Variants in COL13A1 observed in about 807,000 individuals in gnomAD.
The protein encoded by COL13A1 is collagen type XIII alpha 1 chain, also known as collagen alpha-1(XIII) chain.
A neutral mutation model predicts 130.9 loss-of-function variants in COL13A1; 89 were observed. The observed-to-expected ratio is 0.68, with a 90% CI of 0.57 to 0.81. The LOEUF (loss-of-function observed/expected upper bound fraction) is 0.81. COL13A1 is among the 30% of genes least tolerant of loss of function. COL13A1 has a pLI of 0.00. For synonymous variants in COL13A1, 402 were observed against 341.6 expected (o/e 1.18, Z -1.95); for missense variants, 879 against 934.6 (o/e 0.94, Z 0.78).
Position 69,932,597 on chromosome 10 carries a change from G to T in COL13A1, c.1721G>T (p.Gly574Val). Residue 574 changes from glycine to valine, a missense_variant, in exon 31 of 41, where the codon GGA becomes GTA. Physicochemically the swap from Gly to Val is moderately radical, Grantham distance 109 (BLOSUM62 -3). This residue lies in a region of COL13A1 where 96 missense variants were observed against 147.7 expected (regional missense o/e 0.65). Coordinates refer to ENST00000645393, the MANE Select transcript of COL13A1 (RefSeq NM_001368882.1). ...GAAGCCGGGGAGAAGGGCAATCCAG[G>T]AGCAGAGGTACATGAGAGATAATTT... ...KGEAGEKGNP[G>V]AEVPGLPGPE... is the part of the protein sequence containing the mutation. The T allele has an allele frequency of 6.2e-7, 1 of 1,606,314 alleles. No individual in the cohort carries two copies. The highest frequency in any genetic ancestry group is 1.1e-5 in the South Asian group (1 of 90,758).
At chr10:69,818,566 C>T (rs1435299518) in intron 1 of COL13A1, among the ~76,000 whole-genome samples, 2 of 152,222 alleles carry the variant, frequency 1.3e-5, no homozygotes, top group East Asian at 3.8e-4. Context: ...GTCCCTTAAT[C>T]TGCCATCTGC....
chr10:69,880,499 G>T lies in COL13A1; in HGVS notation c.463-4G>T, dbSNP rs2395272. 6.2e-7 allele frequency: 1 copy of T among 1,603,418 alleles called. No homozygotes were observed. The highest frequency in any genetic ancestry group is 1.3e-5 in the African/African-American group (1 of 74,554). On this transcript the variant is annotated splice_region_variant and splice_polypyrimidine_tract_variant and intron_variant, in intron 6 of 40. Transcript: ENST00000645393. The stretch of plus-strand genomic sequence containing the variant: ...TCCCTCTCCCCCTTCCTCTCTCCCC[G>T]CAGGGGTCCCCCGGAGACGCTGGGC...
intron 12 of COL13A1, 139 bp from the exon 13 acceptor site, chr10:69,895,411 G>A (rs2061538835): frequency 7.9e-6 from 7 of 880,596 alleles, no homozygotes; most frequent in Admixed American, 5.7e-5. Flanking sequence ...CTGCCTCAGA[G>A]GGCTCAGACC....
At chr10:69,924,106 G>A (rs945358374) in intron 24 of COL13A1, among the ~76,000 whole-genome samples, 6 of 152,290 alleles carry the variant, frequency 3.9e-5, no homozygotes, top group Non-Finnish European at 5.9e-5. Flanking sequence ...ATTGGTAAAC[G>A]AGGGGCTCTT....
At chr10:69,882,788 T>C (rs1438482458) in intron 7 of COL13A1, among the ~76,000 whole-genome samples, 2 of 152,234 alleles carry the variant, frequency 1.3e-5, no homozygotes, top group African/African-American at 4.8e-5. Flanking sequence ...ACCAGGAGTC[T>C]TAACGAAGCC....
chr10:69,826,105 A>G (rs892669941), intron 2 of COL13A1, among the ~76,000 whole-genome samples: 2 of 152,178 alleles, frequency 1.3e-5, no homozygotes, highest in African/African-American at 4.8e-5. Context: ...GAAAAATACA[A>G]AGACCAAGGA....
At chr10:69,919,803 T>C in intron 21 of COL13A1, 76 bp downstream of exon 21, 1 of 398,590 alleles carries the variant, frequency 2.5e-6, no homozygotes, top group Non-Finnish European at 4.4e-6. Context: ...CCTTCCTCCA[T>C]GGCTGGTGTG....
chr10:69,866,542 A>G (rs1303115386), intron 2 of COL13A1, among the ~76,000 whole-genome samples: 3 of 151,876 alleles, frequency 2.0e-5, no homozygotes, highest in Non-Finnish European at 4.4e-5. Context: ...TTCCTCTGCC[A>G]CTCAGCCTAA....
At chr10:69,870,857 G>A (rs1271087495) in intron 3 of COL13A1, among the ~76,000 whole-genome samples, 1 of 151,994 alleles carries the variant, frequency 6.6e-6, no homozygotes, top group Non-Finnish European at 1.5e-5. Context: ...GGAAAACAGA[G>A]CTTTGGCAAG....
At position 69,922,751 on chromosome 10, in the gene COL13A1, G is replaced by A; in HGVS notation, c.1187G>A (p.Gly396Glu). The change falls in exon 23 of 41, where the codon GGG (glycine) becomes GAG (glutamate). Residue 396 changes from glycine (G) to glutamate (E), a missense_variant. Gly to Glu is a moderately conservative substitution (Grantham distance 98). Coordinates refer to ENST00000645393, the MANE Select transcript of COL13A1 (RefSeq NM_001368882.1). ...GGCAACTCCATTGGAGGAGGCAGAG[G>A]GGAACCTGGCCCTCCAGGGCTCCCT... ...DAGNSIGGGR[G>E]EPGPPGLPGP... 6.2e-7 allele frequency: 1 copy of A among 1,606,180 alleles called. No homozygotes were observed.
intron 2 of COL13A1, among the ~76,000 whole-genome samples, chr10:69,830,893 C>A (rs1418288835): frequency 1.3e-5 from 2 of 152,184 alleles, no homozygotes; most frequent in Non-Finnish European, 2.9e-5. Flanking sequence ...AGCCATCCTC[C>A]ATTTTCGCCC....
Position 69,835,111 on chromosome 10 carries a change from C to T in COL13A1, c.364+12673C>T, listed in dbSNP as rs140694020. Among the ~76,000 whole-genome samples the T allele has an allele frequency of 2.3e-4, 35 of 152,276 alleles. No individual in the cohort carries two copies. The East Asian group carries it at 6.2e-3, about 27-fold the overall frequency. On this transcript the variant is annotated intron_variant, in intron 2 of 40. Coordinates refer to ENST00000645393, the MANE Select transcript of COL13A1 (RefSeq NM_001368882.1). ...TTCACCCAGGACTCACAATCCTGCC[C>T]GCAGCACACATGGGTGCTGTGCAGC... is the stretch of plus-strand genomic sequence containing the variant.
chr10:69,919,737 C>G lies in COL13A1; in HGVS notation c.1089+10C>G. On this transcript the variant is annotated intron_variant, in intron 21 of 40. Coordinates refer to ENST00000645393, the MANE Select transcript of COL13A1 (RefSeq NM_001368882.1). ...AAAGAGGGGGCAGAGGGTAGGATAT[C>G]GTGTATTTGAGTGTGTGCCCCTTCA... 1 of 398,732 alleles carries G rather than the reference C, an allele frequency of 2.5e-6. No individual in the cohort carries two copies. The highest frequency in any genetic ancestry group is 3.6e-5 in the East Asian group (1 of 28,062). The allele number at this position is 398,732 out of a possible 1,614,324, so 24.7% of individuals were successfully genotyped here. A position where few individuals can be genotyped will look rare whatever the true frequency, so the allele number is the denominator to read the frequency against.
intron 6 of COL13A1, among the ~76,000 whole-genome samples, chr10:69,878,749 G>A (rs1309572229): frequency 6.6e-6 from 1 of 152,214 alleles, no homozygotes; most frequent in Non-Finnish European, 1.5e-5. Context: ...CCAAAGTGCT[G>A]GGATTACAGG....
chr10:69,943,333 GTC>G (rs962233047), intron 35 of COL13A1, among the ~76,000 whole-genome samples: 21 of 152,172 alleles, frequency 1.4e-4, no homozygotes, highest in Non-Finnish European at 2.1e-4. Flanking sequence ...AACTCCTCCT[GTC>G]CTCATCTGAG....
At chr10:69,937,819 A>G (rs190120094) in intron 34 of COL13A1, 104 bp downstream of exon 34, 1 of 646,546 alleles carries the variant, frequency 1.5e-6, no homozygotes, top group Admixed American at 2.7e-5. Context: ...GAGTCTGAGC[A>G]TCCAGAGTTC....
At chr10:69,950,364 C>T (rs978023548) in intron 38 of COL13A1, among the ~76,000 whole-genome samples, 1 of 152,116 alleles carries the variant, frequency 6.6e-6, no homozygotes, top group African/African-American at 2.4e-5. Context: ...CAAAGGACAC[C>T]GGATTTGGGG....
At chr10:69,930,584 A>G (rs760684969) in intron 30 of COL13A1, 32 bp downstream of exon 30, 7 of 1,603,500 alleles carry the variant, frequency 4.4e-6, no homozygotes, top group Non-Finnish European at 8.5e-7. Context: ...CCTTCCGTGC[A>G]TACACCACTC....
Position 69,918,302 on chromosome 10 carries a change from C to T in COL13A1, c.984C>T (p.Ala328=), listed in dbSNP as rs2274181. 5.0e-6 allele frequency: 8 copies of T among 1,612,688 alleles called. No individual in the cohort carries two copies. Among genetic ancestry groups the T allele is most frequent in the Admixed American group, 1.7e-5 (1 of 59,944 alleles). The stretch of plus-strand genomic sequence containing the variant: ...TCTGCCAGGGGGCGCCCGGAATTGC[C>T]GTGGCTGGGATGAAGGTCAGTGGAC... The part of the protein sequence containing the change: ...KHGAKGAPGI[A]VAGMKGEPGI... The change falls in exon 19 of 41, where the codon GCC becomes GCT. Residue 328 remains alanine, a synonymous_variant. Coordinates refer to ENST00000645393, the MANE Select transcript of COL13A1 (RefSeq NM_001368882.1).
Sources: allele counts gnomAD v4.1 joint callset (sites outside exome capture counted in the v4.1 genomes callset), GRCh38; gene constraint gnomAD v4.1.1; regional missense constraint gnomAD v4.1.1; transcripts MANE v1.5; gene names NCBI Gene and HGNC (gene_info 2026-07-23, HGNC 2026-07-21).